Variants in POU6F2 observed in about 807,000 individuals in gnomAD.
POU6F2 encodes POU class 6 homeobox 2, also known as POU domain, class 6, transcription factor 2.
Under a neutral mutation model 71.3 loss-of-function variants are expected in POU6F2, and 31 were observed. The observed-to-expected ratio is 0.43, with a 90% confidence interval of 0.33 to 0.59. The LOEUF (loss-of-function observed/expected upper bound fraction) is 0.59. POU6F2 is among the 20% of genes least tolerant of loss of function. The pLI is 0.04. For missense variants in POU6F2, 783 were observed against 856.8 expected, an observed-to-expected ratio of 0.91 and a Z score of 1.07; for synonymous variants, 347 against 355.7, an observed-to-expected ratio of 0.98 and a Z score of 0.27.
At chr7:39,317,470 C>T (rs1015428934) in intron 4 of POU6F2, among the ~76,000 whole-genome samples, 4 of 152,340 alleles carry the variant, frequency 2.6e-5, no homozygotes, top group African/African-American at 9.6e-5. Flanking sequence ...ATTCACAACT[C>T]AGTTTTTGTG....
intron 6 of POU6F2, among the ~76,000 whole-genome samples, chr7:39,422,080 C>T (rs1414005548): frequency 3.3e-5 from 5 of 152,106 alleles, no homozygotes; most frequent in African/African-American, 1.2e-4. Context: ...ACAGTGTTGG[C>T]AGCTACCAAG....
intron 4 of POU6F2, among the ~76,000 whole-genome samples, chr7:39,251,513 A>C (rs1783915416): frequency 6.6e-6 from 1 of 152,212 alleles, no homozygotes; most frequent in Non-Finnish European, 1.5e-5. Context: ...CTGTGGAGAA[A>C]ATGCAGTAAG....
intron 5 of POU6F2, among the ~76,000 whole-genome samples, chr7:39,355,231 G>C (rs775940400): frequency 2.6e-5 from 4 of 152,310 alleles, no homozygotes; most frequent in Non-Finnish European, 5.9e-5. Context: ...ATGACATTGT[G>C]AGTGATTGCT....
intron 1 of POU6F2, among the ~76,000 whole-genome samples, chr7:39,083,369 G>C (rs970708732): frequency 2.0e-5 from 3 of 152,164 alleles, no homozygotes; most frequent in Non-Finnish European, 4.4e-5. Context: ...CTAGATTAGA[G>C]AGACTGAGGA....
intron 7 of POU6F2, among the ~76,000 whole-genome samples, chr7:39,448,274 G>C (rs1788571668): frequency 6.6e-6 from 1 of 152,144 alleles, no homozygotes; most frequent in Non-Finnish European, 1.5e-5. Flanking sequence ...GCTTGCAAAT[G>C]ATTCTAGAAT....
At chr7:39,369,793 C>T (rs1393365927) in intron 5 of POU6F2, among the ~76,000 whole-genome samples, 2 of 152,086 alleles carry the variant, frequency 1.3e-5, no homozygotes, top group Non-Finnish European at 2.9e-5. Context: ...AAGTGATCCT[C>T]CCACCTCAAC....
At position 39,167,151 on chromosome 7, in the gene POU6F2, T is replaced by C. The variant is rs546909966; in HGVS notation, c.278-37084T>C. Among the ~76,000 whole-genome samples, 15 of 152,206 alleles carry C rather than the reference T, an allele frequency of 9.9e-5. No individual in the cohort carries two copies. The South Asian group carries it at 3.1e-3, about 32-fold the overall frequency. On this transcript the variant is annotated intron_variant, in intron 2 of 9. Transcript: ENST00000518318. ...ACAGACAGATAATATGTTGTATATATAATATCTATAAGGTATATTATATAA... is the reference window on the plus strand; with the variant it reads ...ACAGACAGATAATATGTTGTATATACAATATCTATAAGGTATATTATATAA...
intron 2 of POU6F2, among the ~76,000 whole-genome samples, chr7:39,181,216 TG>T (rs35694999): frequency 0.26 from 39,383 of 152,050 alleles, 5,542 homozygotes; most frequent in East Asian, 0.62. Context: ...ATCCCCCAGA[TG>T]CCACTAACAC....
At chr7:39,422,698 C>T (rs1787878690) in intron 6 of POU6F2, among the ~76,000 whole-genome samples, 1 of 152,124 alleles carries the variant, frequency 6.6e-6, no homozygotes, top group African/African-American at 2.4e-5. Context: ...ATGTGCCTGC[C>T]ATGTCTACTC....
intron 6 of POU6F2, among the ~76,000 whole-genome samples, chr7:39,408,607 T>C (rs1253113678): frequency 6.6e-6 from 1 of 152,244 alleles, no homozygotes; most frequent in Non-Finnish European, 1.5e-5. Flanking sequence ...AACTGTGGTA[T>C]GATCGTTTAT....
chr7:39,098,718 G>A (rs539222271), intron 2 of POU6F2, among the ~76,000 whole-genome samples: 1 of 152,348 alleles, frequency 6.6e-6, no homozygotes, highest in African/African-American at 2.4e-5. Flanking sequence ...TCTGCATGGA[G>A]GTATTGCTGG....
intron 6 of POU6F2, among the ~76,000 whole-genome samples, chr7:39,410,980 A>G (rs1424969905): frequency 1.3e-5 from 2 of 152,222 alleles, no homozygotes; most frequent in African/African-American, 4.8e-5. Flanking sequence ...TCCTAGGACT[A>G]AAGTCCTGAG....
chr7:39,070,513 C>T (rs569952619), intron 1 of POU6F2, among the ~76,000 whole-genome samples: 44 of 152,090 alleles, frequency 2.9e-4, no homozygotes, highest in Admixed American at 6.5e-4. Flanking sequence ...TTAAATTCCA[C>T]GTCCTTGCAA....
intron 4 of POU6F2, among the ~76,000 whole-genome samples, chr7:39,263,025 T>C (rs951507075): frequency 3.9e-5 from 6 of 152,218 alleles, no homozygotes; most frequent in African/African-American, 1.4e-4. Context: ...TGTGGCAATT[T>C]GTATCCTCTT....
chr7:39,212,367 T>C (rs1036017371), intron 4 of POU6F2, among the ~76,000 whole-genome samples: 6 of 152,040 alleles, frequency 3.9e-5, no homozygotes, highest in Non-Finnish European at 5.9e-5. Context: ...ATGCCAATGG[T>C]GAGGTTTAGG....
intron 1 of POU6F2, among the ~76,000 whole-genome samples, chr7:39,047,249 G>A (rs78589061): frequency 6.6e-6 from 1 of 151,740 alleles, no homozygotes; most frequent in Non-Finnish European, 1.5e-5. Flanking sequence ...CACAAAAAAA[G>A]CCTATTGAAA....
At chr7:39,055,847 A>G (rs904832973) in intron 1 of POU6F2, among the ~76,000 whole-genome samples, 2 of 151,876 alleles carry the variant, frequency 1.3e-5, no homozygotes, top group Admixed American at 1.3e-4. Context: ...TTCTGTTTCA[A>G]TTTTTTCTGG....
At chr7:39,200,044 G>T (rs1472333959) in intron 2 of POU6F2, among the ~76,000 whole-genome samples, 3 of 152,182 alleles carry the variant, frequency 2.0e-5, no homozygotes, top group Non-Finnish European at 4.4e-5. Flanking sequence ...TATCTGAGAT[G>T]ATTCCTCCCT....
intron 5 of POU6F2, chr7:39,405,993 A>G (rs1787417869): frequency 6.6e-6 from 1 of 152,238 alleles, no homozygotes; most frequent in South Asian, 2.1e-4. Flanking sequence ...TAAAGCCCCA[A>G]AATTGTCGCA....
Sources: allele counts gnomAD v4.1 joint callset (sites outside exome capture counted in the v4.1 genomes callset), GRCh38; gene constraint gnomAD v4.1.1; transcripts MANE v1.5; gene names NCBI Gene and HGNC (gene_info 2026-07-23, HGNC 2026-07-21).